Variants in DSCC1 observed in about 807,000 individuals in gnomAD.
DSCC1 encodes sister chromatid cohesion protein DCC1.
Under a neutral mutation model 48.2 loss-of-function variants are expected in DSCC1, and 32 were observed. That is an observed-to-expected ratio of 0.66 (90% CI 0.50 to 0.89). DSCC1 has a LOEUF of 0.89. DSCC1 is among the 40% of genes least tolerant of loss of function. The pLI is 0.00. For synonymous variants in DSCC1, 150 were observed against 171.5 expected (o/e 0.87, Z 0.98); for missense variants, 421 against 471.7 (o/e 0.89, Z 1.00).
At chr8:119,843,340 G>A (rs879301712) in intron 5 of DSCC1, among the ~76,000 whole-genome samples, 2 of 151,520 alleles carry the variant, frequency 1.3e-5, no homozygotes, top group Non-Finnish European at 1.5e-5. Flanking sequence ...CACCTGCCTC[G>A]GCCTCCCAAA....
At chr8:119,847,165 A>T in intron 3 of DSCC1, 85 bp from the exon 4 acceptor site, 1 of 1,160,708 alleles carries the variant, frequency 8.6e-7, no homozygotes, top group South Asian at 1.3e-5. Context: ...ATAAATACAT[A>T]GAACAGATTA....
In DSCC1 at chr8:119,846,995, A is replaced by T. The variant is rs61753750; in HGVS notation, c.572T>A (p.Ile191Asn). Residue 191 changes from isoleucine to asparagine, a missense_variant, in exon 4 of 9, where the codon ATT becomes AAT. Ile to Asn is a moderately radical substitution (Grantham distance 149, BLOSUM62 -3). Coordinates refer to ENST00000313655, the MANE Select transcript of DSCC1 (RefSeq NM_024094.3). ...ATAGTAGTAAGTAACGCTACCTCCAATCTTACAGGCATTTAGAACTTGTAA... is the reference window on the plus strand; with the variant it reads ...ATAGTAGTAAGTAACGCTACCTCCATTCTTACAGGCATTTAGAACTTGTAA... ...TQLQVLNACK[I>N]GGYWRILEFD... The T allele has an allele frequency of 3.7e-6, 6 of 1,613,496 alleles. No individual in the cohort carries two copies. The highest frequency in any genetic ancestry group is 5.1e-6 in the Non-Finnish European group (6 of 1,179,864).
chr8:119,852,936 T>G, intron 2 of DSCC1, 111 bp downstream of exon 2: 3 of 977,702 alleles, frequency 3.1e-6, no homozygotes, highest in Non-Finnish European at 4.2e-6. Flanking sequence ...AAGAACTTCT[T>G]AGATTCTCCC....
intron 3 of DSCC1, among the ~76,000 whole-genome samples, chr8:119,848,726 T>G (rs933664931): frequency 6.6e-6 from 1 of 152,216 alleles, no homozygotes; most frequent in Non-Finnish European, 1.5e-5. Context: ...AAATGTCTAT[T>G]AGCTGACAAA....
Position 119,835,014 on chromosome 8 carries a change from T to C in DSCC1, c.1074-13A>G. The C allele has an allele frequency of 6.7e-7, 1 of 1,481,552 alleles. No homozygotes were observed. The highest frequency in any genetic ancestry group is 9.3e-7 in the Non-Finnish European group (1 of 1,072,512). 91.8% of individuals were successfully genotyped at this position (1,481,552 alleles called of 1,614,324 possible). ...TCCACACAAATCTCTGTAGGAACAA[T>C]AAAAAATATATAACATGAATATTTT... On this transcript the variant is annotated splice_polypyrimidine_tract_variant and intron_variant, in intron 8 of 8. Coordinates refer to ENST00000313655, the MANE Select transcript of DSCC1 (RefSeq NM_024094.3).
At chr8:119,836,137 AC>A (rs1489474840) in intron 8 of DSCC1, among the ~76,000 whole-genome samples, 1 of 152,198 alleles carries the variant, frequency 6.6e-6, no homozygotes, top group Non-Finnish European at 1.5e-5. Flanking sequence ...ACATGGTGAA[AC>A]CCTGTCTCTA....
At chr8:119,848,304 T>C (rs1489468596) in intron 3 of DSCC1, among the ~76,000 whole-genome samples, 1 of 152,008 alleles carries the variant, frequency 6.6e-6, no homozygotes, top group Non-Finnish European at 1.5e-5. Flanking sequence ...TTTACTCCAA[T>C]TGAAAAAAGC....
In DSCC1 at chr8:119,847,007, T is replaced by C; in HGVS notation, c.560A>G (p.Asn187Ser). ...AACGCTACCTCCAATCTTACAGGCATTTAGAACTTGTAATTGGGTCATTAT... is the reference window on the plus strand; with the variant it reads ...AACGCTACCTCCAATCTTACAGGCACTTAGAACTTGTAATTGGGTCATTAT... ...EEIMTQLQVL[N>S]ACKIGGYWRI... Residue 187 changes from asparagine to serine, a missense_variant, in exon 4 of 9, where the codon AAT becomes AGT. This residue lies in a region of DSCC1 where 238 missense variants were observed against 259.0 expected (regional missense o/e 0.92). Coordinates refer to ENST00000313655, the MANE Select transcript of DSCC1 (RefSeq NM_024094.3). The C allele has an allele frequency of 6.2e-7, 1 of 1,613,764 alleles. No homozygotes were observed. The highest frequency in any genetic ancestry group is 8.5e-7 in the Non-Finnish European group (1 of 1,179,950).
At position 119,834,642 on chromosome 8, in the gene DSCC1, G is replaced by C. The variant is rs937017620; in HGVS notation, c.*251C>G. ...AGCCAAACTTTAAATAAATCATAGAGACCTCAGACATAATATAGGAAAGAA... is the reference window on the plus strand; with the variant it reads ...AGCCAAACTTTAAATAAATCATAGACACCTCAGACATAATATAGGAAAGAA... On this transcript the variant is annotated 3_prime_UTR_variant, in exon 9 of 9. Coordinates refer to ENST00000313655, the MANE Select transcript of DSCC1 (RefSeq NM_024094.3). 1 of 334,480 alleles carries C rather than the reference G, an allele frequency of 3.0e-6. No homozygotes were observed. The highest frequency in any genetic ancestry group is 2.2e-5 in the African/African-American group (1 of 45,664). 20.7% of individuals were successfully genotyped at this position (334,480 alleles called of 1,614,324 possible).
Position 119,838,340 on chromosome 8 carries a change from G to A in DSCC1, c.992C>T (p.Pro331Leu). The change falls in exon 8 of 9, where the codon CCT (proline) becomes CTT (leucine). Residue 331 changes from proline (P) to leucine (L), a missense_variant. Around this residue, in one of 3 missense-constraint regions of DSCC1, gnomAD observed 238 missense variants for 259.0 expected, o/e 0.92. Coordinates refer to ENST00000313655, the MANE Select transcript of DSCC1 (RefSeq NM_024094.3). ...IIFLLKVDDL[P>L]EDNQERFNSL... ...ATTAAAACGTTCCTGATTATCCTCAGGTAAATCATCTACTTTCAGCAAAAA... is the reference window on the plus strand; with the variant it reads ...ATTAAAACGTTCCTGATTATCCTCAAGTAAATCATCTACTTTCAGCAAAAA... 6.2e-7 allele frequency: 1 copy of A among 1,609,946 alleles called. No individual in the cohort carries two copies.
chr8:119,837,759 G>T (rs1218020128), intron 8 of DSCC1, among the ~76,000 whole-genome samples: 1 of 152,214 alleles, frequency 6.6e-6, no homozygotes, highest in African/African-American at 2.4e-5. Flanking sequence ...GCCAGCCACA[G>T]GATTCGAGCT....
intron 4 of DSCC1, among the ~76,000 whole-genome samples, chr8:119,846,209 T>C (rs1444584426): frequency 2.0e-5 from 3 of 150,510 alleles, no homozygotes; most frequent in Non-Finnish European, 4.4e-5. Flanking sequence ...CGCCTTCCAG[T>C]TTCAAGGGAT....
intron 3 of DSCC1, among the ~76,000 whole-genome samples, chr8:119,847,966 C>CTTTTTG (rs1427788213): frequency 6.6e-6 from 1 of 151,344 alleles, no homozygotes; most frequent in Non-Finnish European, 1.5e-5. Flanking sequence ...CGCCTGGCCT[C>CTTTTTG]TTTTTGTTTT....
intron 3 of DSCC1, among the ~76,000 whole-genome samples, chr8:119,849,141 C>T (rs1826906413): frequency 1.4e-5 from 2 of 140,260 alleles, no homozygotes; most frequent in African/African-American, 2.7e-5. Flanking sequence ...GCCGAGATCG[C>T]GCCACTGCAC....
At chr8:119,843,794 A>G (rs1305764519) in intron 4 of DSCC1, 47 bp from the exon 5 acceptor site, 3 of 1,521,542 alleles carry the variant, frequency 2.0e-6, no homozygotes, top group Non-Finnish European at 2.7e-6. Context: ...TTTTTTTTTT[A>G]AGGCAGGGTC....
chr8:119,842,940 G>T, intron 5 of DSCC1, 112 bp from the exon 6 acceptor site: 2 of 854,496 alleles, frequency 2.3e-6, no homozygotes, highest in Non-Finnish European at 3.6e-6. Context: ...CAAATACTAA[G>T]TGATTTTGGT....
intron 8 of DSCC1, 116 bp from the exon 9 acceptor site, chr8:119,835,117 G>A (rs1826660058): frequency 5.8e-6 from 4 of 692,696 alleles, no homozygotes; most frequent in Non-Finnish European, 9.4e-6. Flanking sequence ...ACAAGCGTAA[G>A]TGTAGGTGTT....
At chr8:119,847,158 A>C (rs1826869258) in intron 3 of DSCC1, 78 bp from the exon 4 acceptor site, 1 of 1,231,324 alleles carries the variant, frequency 8.1e-7, no homozygotes, top group Middle Eastern at 2.6e-4. Context: ...TTGAGGAATA[A>C]ATACATAGAA....
At chr8:119,838,530 T>TA (rs1471512794) in intron 7 of DSCC1, 123 bp from the exon 8 acceptor site, 3 of 1,188,542 alleles carry the variant, frequency 2.5e-6, no homozygotes, top group East Asian at 5.3e-5. Context: ...ACATGAAACT[T>TA]AAACTATCCA....
Sources: allele counts gnomAD v4.1 joint callset (sites outside exome capture counted in the v4.1 genomes callset), GRCh38; gene constraint gnomAD v4.1.1; regional missense constraint gnomAD v4.1.1; transcripts MANE v1.5; gene names NCBI Gene and HGNC (gene_info 2026-07-23, HGNC 2026-07-21).